The following TLCD4 variants were observed in gnomAD, a reference collection of about 807,000 sequenced individuals.
The protein encoded by TLCD4 is TLC domain containing 4.
In TLCD4, 7 loss-of-function variants were observed where a neutral mutation model predicts 24.2. The observed-to-expected ratio is 0.29, with a 90% CI of 0.16 to 0.54. The LOEUF (loss-of-function observed/expected upper bound fraction) is 0.54, where lower values mean the gene tolerates loss of function less well. Among genes scored for constraint, TLCD4 ranks in the 20% least tolerant of loss-of-function variants. The probability of loss-of-function intolerance (pLI) is 0.95; values close to 1 mark genes in which losing one functional copy is unlikely to be tolerated. For synonymous variants in TLCD4, 103 were observed against 106.4 expected (o/e 0.97, Z 0.20); for missense variants, 259 against 313.9 (o/e 0.82, Z 1.32).
At chr1:95,138,475 T>G (rs76203186) in intron 1 of TLCD4, 1 of 152,166 alleles carries the variant, frequency 6.6e-6, no homozygotes, top group African/African-American at 2.4e-5. Context: ...TTCTAAGAAA[T>G]GTGTCCTTAA....
chr1:95,176,674 G>A (rs767056635), intron 6 of TLCD4, among the ~76,000 whole-genome samples: 1 of 152,058 alleles, frequency 6.6e-6, no homozygotes, highest in Non-Finnish European at 1.5e-5. Context: ...GTCAGTTTTC[G>A]TTTTTGTTGC....
At chr1:95,151,058 G>A (rs1677479514) in intron 4 of TLCD4, among the ~76,000 whole-genome samples, 1 of 152,084 alleles carries the variant, frequency 6.6e-6, no homozygotes, top group Non-Finnish European at 1.5e-5. Flanking sequence ...CAACCTACAT[G>A]CCAGGCCTTG....
intron 6 of TLCD4, among the ~76,000 whole-genome samples, chr1:95,176,422 C>A (rs1017629807): frequency 1.3e-5 from 2 of 152,054 alleles, no homozygotes; most frequent in African/African-American, 2.4e-5. Flanking sequence ...AACTCTTGAC[C>A]TCAAGTAATC....
chr1:95,180,193 T>G (rs759597057), intron 6 of TLCD4, among the ~76,000 whole-genome samples: 19 of 152,222 alleles, frequency 1.2e-4, no homozygotes, highest in Non-Finnish European at 2.5e-4. Context: ...TGATTCTGAT[T>G]ATGAGATTTT....
chr1:95,153,166 G>A (rs1204176039), intron 5 of TLCD4, among the ~76,000 whole-genome samples: 1 of 151,794 alleles, frequency 6.6e-6, no homozygotes, highest in Non-Finnish European at 1.5e-5. Context: ...GGGAATTACT[G>A]TTTAATGGTA....
intron 1 of TLCD4, among the ~76,000 whole-genome samples, chr1:95,135,395 C>CTTTT (rs1188061128): frequency 1.5e-5 from 2 of 130,510 alleles, no homozygotes; most frequent in African/African-American, 5.8e-5. Flanking sequence ...TTTTTGTACA[C>CTTTT]TTTTTTTTTT....
At chr1:95,153,577 A>G (rs1677549855) in intron 5 of TLCD4, among the ~76,000 whole-genome samples, 1 of 152,172 alleles carries the variant, frequency 6.6e-6, no homozygotes, top group Non-Finnish European at 1.5e-5. Context: ...CTGCTAAAAC[A>G]GAAAGCTTTT....
upstream of TLCD4, chr1:95,117,317 G>C (rs1446380490): frequency 1.3e-5 from 2 of 152,270 alleles, no homozygotes; most frequent in African/African-American, 2.4e-5. Context: ...GGAGCCGCCC[G>C]GAGCGGGAGC....
At chr1:95,142,291 CTTTTTTTTT>C (rs33917874) in intron 1 of TLCD4, among the ~76,000 whole-genome samples, 4 of 116,792 alleles carry the variant, frequency 3.4e-5, no homozygotes, top group African/African-American at 6.4e-5. Context: ...TTATAAAAAT[CTTTTTTTTT>C]TTTTTTTTTT....
chr1:95,141,054 C>T (rs534277748), intron 1 of TLCD4, among the ~76,000 whole-genome samples: 3 of 152,262 alleles, frequency 2.0e-5, no homozygotes, highest in African/African-American at 7.2e-5. Context: ...ATCTGTTGAG[C>T]TTTTAATGGA....
chr1:95,116,344 AC>A (rs1405592669), upstream of TLCD4, among the ~76,000 whole-genome samples: 7 of 152,310 alleles, frequency 4.6e-5, no homozygotes, highest in South Asian at 1.0e-3. Context: ...TTGAAAATAA[AC>A]ATGGACAGCT....
At chr1:95,108,979 T>C in the TLCD4 span, among the ~76,000 whole-genome samples, 5 of 152,204 alleles carry the variant, frequency 3.3e-5, no homozygotes, top group African/African-American at 1.2e-4. Context: ...TTTGGAATCA[T>C]TTTGTCCTAT....
upstream of TLCD4, among the ~76,000 whole-genome samples, chr1:95,114,816 A>G (rs1194596274): frequency 2.0e-5 from 3 of 151,094 alleles, no homozygotes; most frequent in Non-Finnish European, 4.4e-5. Flanking sequence ...ACAGAGCAAG[A>G]CTCTGTCTCA....
chr1:95,180,174 T>G (rs903426266), intron 6 of TLCD4, among the ~76,000 whole-genome samples: 9 of 152,322 alleles, frequency 5.9e-5, no homozygotes, highest in Admixed American at 5.2e-4. Context: ...TAATTCTGTC[T>G]CTTGAATATG....
At chr1:95,094,718 C>T in the TLCD4 span, among the ~76,000 whole-genome samples, 69 of 152,254 alleles carry the variant, frequency 4.5e-4, no homozygotes, top group Middle Eastern at 3.4e-3. Flanking sequence ...GAAGAACTTC[C>T]CAGCTAAATC....
At chr1:95,165,714 C>A (rs1677997153) in intron 5 of TLCD4, among the ~76,000 whole-genome samples, 1 of 152,214 alleles carries the variant, frequency 6.6e-6, no homozygotes, top group Non-Finnish European at 1.5e-5. Context: ...GATCCACCCG[C>A]CTCGGCCTCC....
chr1:95,146,678 T>C (rs1677358908), intron 2 of TLCD4, among the ~76,000 whole-genome samples: 2 of 152,140 alleles, frequency 1.3e-5, no homozygotes, highest in African/African-American at 4.8e-5. Flanking sequence ...AACAGAAGTT[T>C]CTGAAACTAT....
chr1:95,151,805 C>T (rs1309014307), intron 5 of TLCD4, among the ~76,000 whole-genome samples: 2 of 152,104 alleles, frequency 1.3e-5, no homozygotes, highest in East Asian at 1.9e-4. Flanking sequence ...TGTGCAATTA[C>T]ATATACATAA....
the TLCD4 span, among the ~76,000 whole-genome samples, chr1:95,095,686 C>T: frequency 1.0e-3 from 153 of 152,252 alleles, 1 homozygote; most frequent in African/African-American, 3.3e-3. Context: ...CGTGAGCCAC[C>T]GCGCCGGCAC....
Sources: gnomAD v4.1 joint callset for allele counts (sites outside exome capture counted in the v4.1 genomes callset) on GRCh38, gnomAD v4.1.1 for gene constraint, MANE v1.5 for transcripts, NCBI Gene and HGNC (gene_info 2026-07-23, HGNC 2026-07-21) for gene names.